CNNM2: variants seen among roughly 807,000 people sequenced by gnomAD.
CNNM2 encodes the protein metal transporter CNNM2.
A neutral mutation model predicts 66.9 loss-of-function variants in CNNM2; 12 were observed. That is an observed-to-expected ratio of 0.18 (90% CI 0.11 to 0.29). CNNM2 has a LOEUF of 0.29. Among genes scored for constraint, CNNM2 ranks in the 10% least tolerant of loss-of-function variants. CNNM2 has a pLI of 1.00. For synonymous variants in CNNM2, 557 were observed against 501.8 expected, an observed-to-expected ratio of 1.11 and a Z score of -1.47; for missense variants, 705 against 1,167.7, an observed-to-expected ratio of 0.60 and a Z score of 5.77.
At chr10:103,064,704 G>C (rs1234194913) in intron 4 of CNNM2, among the ~76,000 whole-genome samples, 1 of 152,122 alleles carries the variant, frequency 6.6e-6, no homozygotes. Flanking sequence ...GCTGGGCATG[G>C]TGGTGCACAC....
In CNNM2 at chr10:103,016,978, CTTTTTT is replaced by C. The variant is rs74439005; in HGVS notation, c.1622-32721_1622-32716del. On this transcript the variant is annotated intron_variant, in intron 1 of 7. Transcript: ENST00000369878. ...GTACTTTGTCATATAGTTTTGTTTC[CTTTTTT>C]TTTTTTTAACCAGGTTAAAAAAGGG... is the stretch of plus-strand genomic sequence containing the variant. Among the ~76,000 whole-genome samples the C allele has an allele frequency of 0.033, 4,654 of 142,382 alleles. 241 individuals carry two copies. The highest frequency in any genetic ancestry group is 0.11 in the African/African-American group (4,323 of 39,274). The allele number at this position is 142,382 out of a possible 152,430, so 93.4% of individuals were successfully genotyped here. A position where few individuals can be genotyped will look rare whatever the true frequency, so the allele number is the denominator to read the frequency against.
intron 1 of CNNM2, among the ~76,000 whole-genome samples, chr10:102,986,838 G>A (rs2063807107): frequency 6.6e-6 from 1 of 152,040 alleles, no homozygotes; most frequent in African/African-American, 2.4e-5. Context: ...ACTAGAGGTG[G>A]TGATTCAGCA....
intron 1 of CNNM2, among the ~76,000 whole-genome samples, chr10:103,024,099 G>T (rs1364346485): frequency 6.6e-6 from 1 of 151,964 alleles, no homozygotes; most frequent in African/African-American, 2.4e-5. Flanking sequence ...TTTGTAGTTG[G>T]TTTTCTTCTA....
chr10:103,089,436 T>C lies in CNNM2; in HGVS notation c.*12256T>C. 1.9e-6 allele frequency: 1 copy of C among 519,040 alleles called. No homozygotes were observed. Among genetic ancestry groups the C allele is most frequent in the Non-Finnish European group, 3.0e-6 (1 of 328,392 alleles). 32.2% of individuals were successfully genotyped at this position (519,040 alleles called of 1,614,324 possible). ...ATATACATGCAGTTCAGCCTGATTT[T>C]ACCCTTATTTTCTTCTAATACAGAC... On this transcript the variant is annotated 3_prime_UTR_variant, in exon 8 of 8. Transcript: ENST00000369878.
At chr10:103,064,925 T>C (rs562223405) in intron 4 of CNNM2, among the ~76,000 whole-genome samples, 1 of 152,314 alleles carries the variant, frequency 6.6e-6, no homozygotes, top group East Asian at 1.9e-4. Flanking sequence ...TTTCCCTGTA[T>C]CTGTCTCTGT....
At chr10:103,016,496 G>A (rs918609773) in intron 1 of CNNM2, among the ~76,000 whole-genome samples, 3 of 152,140 alleles carry the variant, frequency 2.0e-5, no homozygotes, top group Non-Finnish European at 2.9e-5. Flanking sequence ...CAGTATCTAA[G>A]TGGGGAGCAG....
chr10:102,930,955 G>C (rs1266207918), intron 1 of CNNM2, among the ~76,000 whole-genome samples: 1 of 152,082 alleles, frequency 6.6e-6, no homozygotes, highest in African/African-American at 2.4e-5. Flanking sequence ...TGGGCATTTC[G>C]ATTGTTTCCA....
At chr10:103,069,263 A>G (rs1194514840) in intron 5 of CNNM2, among the ~76,000 whole-genome samples, 1 of 152,096 alleles carries the variant, frequency 6.6e-6, no homozygotes, top group East Asian at 1.9e-4. Flanking sequence ...GCTACTGTCA[A>G]TATGTGGCTT....
At chr10:102,988,252 G>T (rs77860422) in intron 1 of CNNM2, among the ~76,000 whole-genome samples, 1 of 152,012 alleles carries the variant, frequency 6.6e-6, no homozygotes, top group Admixed American at 6.5e-5. Flanking sequence ...CAGTGAGCCG[G>T]GATTGCACCT....
intron 1 of CNNM2, among the ~76,000 whole-genome samples, chr10:103,010,950 G>A (rs775528395): frequency 4.8e-4 from 73 of 152,024 alleles, no homozygotes; most frequent in Non-Finnish European, 7.9e-4. Flanking sequence ...TTACTTTTTC[G>A]TTTTTTCAGA....
chr10:103,069,255 T>C (rs1447237931), intron 5 of CNNM2, among the ~76,000 whole-genome samples: 1 of 152,242 alleles, frequency 6.6e-6, no homozygotes, highest in African/African-American at 2.4e-5. Context: ...CGTCTGGGGC[T>C]ACTGTCAATA....
chr10:102,940,824 T>C lies in CNNM2; in HGVS notation c.1621+20723T>C, dbSNP rs192280363. The stretch of plus-strand genomic sequence containing the variant: ...GAAACCTCCACCTCCAGGGTTCAAG[T>C]GATTTTCCTGCCTCAGCCTCCCAGG... On this transcript the variant is annotated intron_variant, in intron 1 of 7. Coordinates refer to ENST00000369878, the MANE Select transcript of CNNM2 (RefSeq NM_017649.5). Among the ~76,000 whole-genome samples, 343 of 151,820 alleles carry C rather than the reference T, an allele frequency of 2.3e-3. 4 individuals carry two copies. The highest frequency in any genetic ancestry group is 7.8e-3 in the African/African-American group (325 of 41,414).
At chr10:102,955,789 G>A (rs1290208531) in intron 1 of CNNM2, among the ~76,000 whole-genome samples, 1 of 152,192 alleles carries the variant, frequency 6.6e-6, no homozygotes, top group African/African-American at 2.4e-5. Flanking sequence ...CATCATCACT[G>A]GTCATCAGAG....
At chr10:103,049,319 C>G (rs1056277772) in intron 1 of CNNM2, among the ~76,000 whole-genome samples, 1 of 152,200 alleles carries the variant, frequency 6.6e-6, no homozygotes, top group African/African-American at 2.4e-5. Context: ...TCTTAGTATT[C>G]TTATGAAAAT....
chr10:102,959,522 G>A (rs1590311826), intron 1 of CNNM2, among the ~76,000 whole-genome samples: 1 of 152,176 alleles, frequency 6.6e-6, no homozygotes, highest in East Asian at 1.9e-4. Flanking sequence ...CTTAATAGCT[G>A]CATAACACCA....
At chr10:102,971,256 A>G (rs2063543181) in intron 1 of CNNM2, among the ~76,000 whole-genome samples, 1 of 148,036 alleles carries the variant, frequency 6.8e-6, no homozygotes, top group South Asian at 2.2e-4. Flanking sequence ...CTAAAAAAAA[A>G]AAAAAGAAAA....
chr10:102,924,941 G>C (rs921624600), intron 1 of CNNM2, among the ~76,000 whole-genome samples: 2 of 152,148 alleles, frequency 1.3e-5, no homozygotes, highest in African/African-American at 4.8e-5. Flanking sequence ...CAGAATCAGA[G>C]CTGGAAGGCA....
intron 1 of CNNM2, among the ~76,000 whole-genome samples, chr10:103,019,510 C>T (rs1050206089): frequency 1.3e-5 from 2 of 152,010 alleles, no homozygotes; most frequent in African/African-American, 4.8e-5. Context: ...AGATAGGGGA[C>T]ATGGAGAAGT....
chr10:103,030,882 G>A (rs1288801301), intron 1 of CNNM2, among the ~76,000 whole-genome samples: 19 of 152,172 alleles, frequency 1.2e-4, no homozygotes, highest in Admixed American at 1.2e-3. Flanking sequence ...ATTAGAAGCA[G>A]GGAAACAGGT....
Sources: gnomAD v4.1 joint callset for allele counts (sites outside exome capture counted in the v4.1 genomes callset) on GRCh38, gnomAD v4.1.1 for gene constraint, MANE v1.5 for transcripts, NCBI Gene and HGNC (gene_info 2026-07-23, HGNC 2026-07-21) for gene names.